SLK: variants seen among roughly 807,000 people sequenced by gnomAD.
SLK encodes STE20-like serine/threonine-protein kinase.
A neutral mutation model predicts 147.7 loss-of-function variants in SLK; 67 were observed. That is an observed-to-expected ratio of 0.45 (90% CI 0.37 to 0.56). The LOEUF is 0.56. Among genes scored for constraint, SLK ranks in the 20% least tolerant of loss-of-function variants. The probability of loss-of-function intolerance (pLI) is 0.00; values close to 1 mark genes in which losing one functional copy is unlikely to be tolerated. For missense variants in SLK, 1,136 were observed against 1,438.8 expected (o/e 0.79, Z 3.41); for synonymous variants, 441 against 475.0 (o/e 0.93, Z 0.93).
rs910319044 is a variant in SLK, at chr10:103,967,770, A to G, written c.25A>G (p.Ile9Val). Residue 9 changes from isoleucine (I) to valine (V), a missense_variant, in exon 1 of 19, where the codon ATC becomes GTC. Ile to Val is a conservative substitution (Grantham distance 29). Around this residue, in one of 6 missense-constraint regions of SLK, gnomAD observed 126 missense variants for 141.3 expected, o/e 0.89. Transcript: ENST00000369755. MSFFNFRK[I>V]FKLGSEKKKK... The stretch of plus-strand genomic sequence containing the variant: ...AATGTCCTTCTTCAATTTCCGTAAG[A>G]TCTTCAAGTTGGGGAGCGAGAAGAA... 1 of 1,614,062 alleles carries G rather than the reference A, an allele frequency of 6.2e-7. No individual in the cohort carries two copies. The highest frequency in any genetic ancestry group is 8.5e-7 in the Non-Finnish European group (1 of 1,179,948).
chr10:103,998,282 T>G (rs1453793539), intron 4 of SLK, among the ~76,000 whole-genome samples: 1 of 152,182 alleles, frequency 6.6e-6, no homozygotes, highest in Non-Finnish European at 1.5e-5. Flanking sequence ...ACTTAAAAAT[T>G]CGTGCATTTA....
At chr10:104,006,644 AC>A (rs1291925570) in intron 11 of SLK, among the ~76,000 whole-genome samples, 1 of 152,224 alleles carries the variant, frequency 6.6e-6, no homozygotes, top group Non-Finnish European at 1.5e-5. Context: ...ATTTATGTTG[AC>A]TATCTGCCTT....
chr10:103,986,378 A>G (rs1844012927), intron 1 of SLK, among the ~76,000 whole-genome samples: 2 of 152,174 alleles, frequency 1.3e-5, no homozygotes, highest in East Asian at 1.9e-4. Flanking sequence ...AGGAGCACAC[A>G]ACCTAGATCC....
intron 4 of SLK, among the ~76,000 whole-genome samples, chr10:103,996,208 T>C (rs373604592): frequency 1.3e-5 from 2 of 152,296 alleles, no homozygotes; most frequent in Non-Finnish European, 1.5e-5. Context: ...TGGCACAAAT[T>C]TCTTTCCTTC....
intron 1 of SLK, among the ~76,000 whole-genome samples, chr10:103,981,088 G>A (rs12779749): frequency 0.48 from 72,982 of 151,882 alleles, 18,929 homozygotes; most frequent in East Asian, 0.72. Flanking sequence ...GTGACGTTGA[G>A]CATCTTTTCA....
At chr10:104,004,267 C>G (rs984457841) in intron 9 of SLK, among the ~76,000 whole-genome samples, 2 of 152,042 alleles carry the variant, frequency 1.3e-5, no homozygotes, top group African/African-American at 4.8e-5. Context: ...GCCTATCTGC[C>G]CCAAATTCCT....
At chr10:103,975,648 A>T (rs1387498625) in intron 1 of SLK, among the ~76,000 whole-genome samples, 1 of 152,218 alleles carries the variant, frequency 6.6e-6, no homozygotes, top group Non-Finnish European at 1.5e-5. Flanking sequence ...CAAACATTAT[A>T]TGAATGAGTT....
chr10:103,975,017 T>G (rs1359165464), intron 1 of SLK, among the ~76,000 whole-genome samples: 3 of 151,596 alleles, frequency 2.0e-5, no homozygotes, highest in Non-Finnish European at 4.4e-5. Flanking sequence ...CTTCCACCTC[T>G]GTGTCTGTTC....
intron 1 of SLK, among the ~76,000 whole-genome samples, chr10:103,976,409 T>C (rs1203592251): frequency 2.0e-5 from 3 of 152,182 alleles, no homozygotes; most frequent in Non-Finnish European, 2.9e-5. Context: ...GTGTCTTCAC[T>C]TACACTTGGT....
rs1271744953 is a variant in SLK, at chr10:104,020,496, A to G, written c.3330A>G (p.Ala1110=). The G allele has an allele frequency of 1.2e-6, 2 of 1,612,842 alleles. No homozygotes were observed. The highest frequency in any genetic ancestry group is 1.1e-5 in the South Asian group (1 of 90,836). Residue 1110 remains alanine (A), a synonymous_variant, in exon 17 of 19, where the codon GCA becomes GCG. Transcript: ENST00000369755. The part of the protein sequence containing the change: ...QDRDKIKQFA[A]QEEKRQKNER... ...TTTTTTCTTATTTATAGTTTGCTGC[A>G]CAAGAAGAAAAGAGGCAGAAAAATG...
intron 1 of SLK, among the ~76,000 whole-genome samples, chr10:103,989,076 C>G (rs1213415908): frequency 1.3e-5 from 2 of 151,930 alleles, no homozygotes; most frequent in African/African-American, 4.8e-5. Flanking sequence ...AATAGTGTGT[C>G]AAGAGAATGA....
chr10:104,024,637 C>A (rs1844574987), intron 18 of SLK, among the ~76,000 whole-genome samples: 1 of 152,172 alleles, frequency 6.6e-6, no homozygotes, highest in Non-Finnish European at 1.5e-5. Flanking sequence ...TCATGTTTCA[C>A]CTCTTTTGAG....
At chr10:103,989,677 C>G (rs1217508837) in intron 1 of SLK, among the ~76,000 whole-genome samples, 1 of 152,018 alleles carries the variant, frequency 6.6e-6, no homozygotes, top group African/African-American at 2.4e-5. Context: ...ACCATGTTAG[C>G]CAGGATGGTC....
At chr10:104,025,488 G>T in intron 18 of SLK, 86 bp from the exon 19 acceptor site, 2 of 1,306,814 alleles carry the variant, frequency 1.5e-6, no homozygotes, top group South Asian at 1.4e-5. Context: ...AAAGTGTTTT[G>T]GACAAGTAGT....
rs570615952 is a variant in SLK at position 104,018,147 on chromosome 10, CTG to C, written c.2878-11_2878-10del. ...TAGATACTTATTAACTGACAATTAA[CTG>C]TTTTTAATAGGAACAAGAGTTTGTT... is the stretch of plus-strand genomic sequence containing the variant. On this transcript the variant is annotated splice_polypyrimidine_tract_variant and intron_variant, in intron 13 of 18. Coordinates refer to ENST00000369755, the MANE Select transcript of SLK (RefSeq NM_014720.4). 7 of 1,585,460 alleles carry C rather than the reference CTG, an allele frequency of 4.4e-6. No homozygotes were observed. The South Asian group carries it at 5.8e-5, about 13-fold the overall frequency.
At chr10:103,973,869 G>A (rs947760989) in intron 1 of SLK, among the ~76,000 whole-genome samples, 1 of 149,802 alleles carries the variant, frequency 6.7e-6, no homozygotes, top group Non-Finnish European at 1.5e-5. Flanking sequence ...TATAATTCTA[G>A]TTCAAAAGTA....
At chr10:103,970,401 C>T (rs1406997644) in intron 1 of SLK, among the ~76,000 whole-genome samples, 1 of 152,102 alleles carries the variant, frequency 6.6e-6, no homozygotes, top group Non-Finnish European at 1.5e-5. Flanking sequence ...AGTCTTATTT[C>T]ATGTAGTTAT....
chr10:104,022,586 G>T (rs558353827), intron 18 of SLK, among the ~76,000 whole-genome samples: 1 of 152,332 alleles, frequency 6.6e-6, no homozygotes, highest in East Asian at 1.9e-4. Flanking sequence ...GAAGTGAAAT[G>T]ACTAAATGAG....
At chr10:103,992,446 T>C (rs766274219) in intron 2 of SLK, 152 bp from the exon 3 acceptor site, 2 of 706,782 alleles carry the variant, frequency 2.8e-6, no homozygotes, top group Non-Finnish European at 4.6e-6. Flanking sequence ...TGTAACTCTT[T>C]TGACAAAATC....
Sources: gnomAD v4.1 joint callset for allele counts (sites outside exome capture counted in the v4.1 genomes callset) on GRCh38, gnomAD v4.1.1 for gene constraint, gnomAD v4.1.1 regional missense constraint, MANE v1.5 for transcripts, NCBI Gene and HGNC (gene_info 2026-07-23, HGNC 2026-07-21) for gene names.